The following LUZP2 variants were observed in gnomAD, a reference collection of about 807,000 sequenced individuals.
LUZP2 encodes leucine zipper protein 2.
In LUZP2, 52 loss-of-function variants were observed where a neutral mutation model predicts 51.6. That is an observed-to-expected ratio of 1.01 (90% CI 0.81 to 1.27). The LOEUF is 1.27. LUZP2 is among the 50% of genes most tolerant of loss of function. LUZP2 has a pLI of 0.00. For missense variants in LUZP2, 436 were observed against 395.4 expected (o/e 1.10, Z -0.87); for synonymous variants, 154 against 137.3 (o/e 1.12, Z -0.85).
chr11:24,941,036 G>A (rs1854732699), intron 7 of LUZP2, among the ~76,000 whole-genome samples: 1 of 152,144 alleles, frequency 6.6e-6, no homozygotes, highest in African/African-American at 2.4e-5. Flanking sequence ...TAGGCAAGCT[G>A]GAAATAGGAT....
At chr11:24,552,989 A>G (rs928669073) in intron 1 of LUZP2, among the ~76,000 whole-genome samples, 2 of 151,358 alleles carry the variant, frequency 1.3e-5, no homozygotes, top group African/African-American at 4.8e-5. Context: ...CCTAATTAAA[A>G]TATCTAACTA....
intron 9 of LUZP2, among the ~76,000 whole-genome samples, chr11:25,033,828 A>G (rs1857772996): frequency 6.6e-6 from 1 of 152,068 alleles, no homozygotes; most frequent in South Asian, 2.1e-4. Context: ...TCCACCATTG[A>G]AAAACAGGCA....
chr11:24,713,943 A>G (rs1590386723), intron 1 of LUZP2, among the ~76,000 whole-genome samples: 1 of 131,034 alleles, frequency 7.6e-6, no homozygotes, highest in Admixed American at 8.8e-5. Context: ...TGATCTGCCC[A>G]CCTCAGCCTC....
intron 9 of LUZP2, among the ~76,000 whole-genome samples, chr11:24,999,524 A>G (rs1280406522): frequency 3.3e-5 from 5 of 151,822 alleles, no homozygotes; most frequent in Admixed American, 2.0e-4. Context: ...GGAGGAAGAG[A>G]AGATGAGAAG....
intron 5 of LUZP2, chr11:24,892,107 T>C (rs1852872966): frequency 5.1e-6 from 5 of 985,664 alleles, no homozygotes; most frequent in Non-Finnish European, 4.8e-6. Flanking sequence ...CTTACTAGTT[T>C]GATAGGCTCT....
rs1485060764 is a variant in LUZP2 at position 24,979,020 on chromosome 11, A to G, written c.597+2355A>G. 2.0e-5 allele frequency among the ~76,000 whole-genome samples: 3 copies of G among 151,616 alleles called. No individual in the cohort carries two copies. In the Admixed American group the frequency reaches 2.0e-4, roughly 10 times the overall value. On this transcript the variant is annotated intron_variant, in intron 8 of 11. Transcript: ENST00000336930. ...ATAGTCTACTTATGTTCAAATCATG[A>G]CTCTTTGACTGAATGACCATGTTCA...
At chr11:24,826,186 A>ATATATAT (rs1330208354) in intron 5 of LUZP2, among the ~76,000 whole-genome samples, 11 of 24,408 alleles carry the variant, frequency 4.5e-4, no homozygotes, top group African/African-American at 1.2e-3. Context: ...AAAAAAAAAA[A>ATATATAT]AAAAATATAT....
At chr11:24,794,345 A>C (rs1455088528) in intron 5 of LUZP2, among the ~76,000 whole-genome samples, 1 of 152,120 alleles carries the variant, frequency 6.6e-6, no homozygotes, top group Non-Finnish European at 1.5e-5. Context: ...CTTACTGTTT[A>C]AAGTTTGTAT....
chr11:25,035,230 G>A (rs1021090790), intron 9 of LUZP2, among the ~76,000 whole-genome samples: 6 of 152,008 alleles, frequency 3.9e-5, no homozygotes, highest in Non-Finnish European at 4.4e-5. Flanking sequence ...CAAATAGAAA[G>A]AGAAGATGTC....
chr11:24,977,108 G>A (rs1423335386), intron 8 of LUZP2, among the ~76,000 whole-genome samples: 1 of 151,568 alleles, frequency 6.6e-6, no homozygotes, highest in Non-Finnish European at 1.5e-5. Context: ...TTAGAAACAT[G>A]CACAAGAACA....
At chr11:24,760,209 C>G (rs150276662) in intron 4 of LUZP2, among the ~76,000 whole-genome samples, 66 of 152,092 alleles carry the variant, frequency 4.3e-4, no homozygotes, top group African/African-American at 1.6e-3. Flanking sequence ...GTTATGGAGA[C>G]CAGGGTTTTT....
At chr11:24,635,294 CA>C in intron 1 of LUZP2, among the ~76,000 whole-genome samples, 1 of 151,184 alleles carries the variant, frequency 6.6e-6, no homozygotes, top group East Asian at 1.9e-4. Flanking sequence ...GGAGCATTAC[CA>C]AAAAAATGCA....
chr11:24,712,433 A>C (rs1590384361), intron 1 of LUZP2, among the ~76,000 whole-genome samples: 1 of 152,262 alleles, frequency 6.6e-6, no homozygotes, highest in East Asian at 1.9e-4. Flanking sequence ...ACTGAGATTA[A>C]TTCCCAACAC....
At position 24,746,037 on chromosome 11, in the gene LUZP2, T is replaced by C. The variant is rs183994121; in HGVS notation, c.333+7735T>C. Among the ~76,000 whole-genome samples the C allele has an allele frequency of 1.6e-3, 250 of 152,312 alleles. 1 individual carries two copies. The highest frequency in any genetic ancestry group is 5.8e-3 in the African/African-American group (241 of 41,588). ...AGTGGAGCATTTAGGCCATTTACCA[T>C]CAATGTTCGTACTGAGATGTGAGGT... On this transcript the variant is annotated intron_variant, in intron 4 of 11. Coordinates refer to ENST00000336930, the MANE Select transcript of LUZP2 (RefSeq NM_001009909.4).
intron 7 of LUZP2, among the ~76,000 whole-genome samples, chr11:24,918,117 C>T (rs1853861137): frequency 1.3e-5 from 2 of 151,986 alleles, no homozygotes; most frequent in Admixed American, 1.3e-4. Context: ...GGAGTTCACT[C>T]ATGATTTGGC....
At chr11:24,550,821 C>A (rs764230380) in intron 1 of LUZP2, among the ~76,000 whole-genome samples, 3 of 152,028 alleles carry the variant, frequency 2.0e-5, no homozygotes, top group Non-Finnish European at 4.4e-5. Flanking sequence ...TACCTGTAAT[C>A]CCAGCATTTT....
At chr11:24,804,071 T>A (rs1849780178) in intron 5 of LUZP2, among the ~76,000 whole-genome samples, 1 of 152,090 alleles carries the variant, frequency 6.6e-6, no homozygotes, top group Non-Finnish European at 1.5e-5. Context: ...ATATGGGTTT[T>A]CCACTAGCAA....
intron 5 of LUZP2, among the ~76,000 whole-genome samples, chr11:24,813,677 A>G (rs1363118466): frequency 6.6e-6 from 1 of 152,218 alleles, no homozygotes; most frequent in East Asian, 1.9e-4. Context: ...AAAATTGGAG[A>G]TTACATTTCA....
At chr11:24,628,876 A>G (rs750629549) in intron 1 of LUZP2, among the ~76,000 whole-genome samples, 2 of 152,074 alleles carry the variant, frequency 1.3e-5, no homozygotes. Context: ...TCCTTTATAC[A>G]GGTGAATAAA....
Sources: gnomAD v4.1 joint callset for allele counts (sites outside exome capture counted in the v4.1 genomes callset) on GRCh38, gnomAD v4.1.1 for gene constraint, MANE v1.5 for transcripts, NCBI Gene and HGNC (gene_info 2026-07-23, HGNC 2026-07-21) for gene names.